Variants in CAMTA1 observed in about 807,000 individuals in gnomAD.
CAMTA1 encodes the protein calmodulin binding transcription activator 1.
Under a neutral mutation model 170.9 loss-of-function variants are expected in CAMTA1, and 27 were observed. That is an observed-to-expected ratio of 0.16 (90% CI 0.12 to 0.22). The LOEUF (loss-of-function observed/expected upper bound fraction) is 0.22, where lower values mean the gene tolerates loss of function less well. CAMTA1 is among the 10% of genes least tolerant of loss of function. The pLI is 1.00. For missense variants in CAMTA1, 1,619 were observed against 2,217.2 expected, an observed-to-expected ratio of 0.73 and a Z score of 5.42; for synonymous variants, 833 against 891.5, an observed-to-expected ratio of 0.93 and a Z score of 1.17.
chr1:7,250,247 C>G (rs555709235), intron 5 of CAMTA1, among the ~76,000 whole-genome samples: 29 of 152,212 alleles, frequency 1.9e-4, no homozygotes, highest in Non-Finnish European at 3.2e-4. Flanking sequence ...AGACTCTCAA[C>G]CTTGGGCAGC....
intron 6 of CAMTA1, among the ~76,000 whole-genome samples, chr1:7,632,217 T>A (rs1188312168): frequency 6.6e-6 from 1 of 152,212 alleles, no homozygotes; most frequent in East Asian, 1.9e-4. Flanking sequence ...ATATGACAAA[T>A]GCAAAGATCG....
intron 1 of CAMTA1, among the ~76,000 whole-genome samples, chr1:6,792,283 C>T (rs1029454720): frequency 6.6e-6 from 1 of 150,874 alleles, no homozygotes; most frequent in Non-Finnish European, 1.5e-5. Flanking sequence ...TATAAATTGA[C>T]AATGGAGAGC....
At chr1:7,135,728 C>A (rs1330910652) in intron 4 of CAMTA1, among the ~76,000 whole-genome samples, 1 of 152,172 alleles carries the variant, frequency 6.6e-6, no homozygotes, top group Non-Finnish European at 1.5e-5. Context: ...CTCCCTCATT[C>A]CTTGAAGATT....
chr1:7,372,043 C>A (rs2086513555), intron 5 of CAMTA1, among the ~76,000 whole-genome samples: 1 of 152,120 alleles, frequency 6.6e-6, no homozygotes, highest in East Asian at 1.9e-4. Context: ...ACTGTTGCAC[C>A]CCTGCCCCAC....
intron 6 of CAMTA1, among the ~76,000 whole-genome samples, chr1:7,542,594 G>T: frequency 1.0e-5 from 1 of 95,290 alleles, no homozygotes; most frequent in East Asian, 3.2e-4. Context: ...TGCCTCCTGA[G>T]TAGCTGGGAT....
intron 3 of CAMTA1, among the ~76,000 whole-genome samples, chr1:6,841,944 G>C (rs1280028406): frequency 6.6e-6 from 1 of 152,140 alleles, no homozygotes; most frequent in Non-Finnish European, 1.5e-5. Flanking sequence ...TCCACGGGTG[G>C]TGGCCAAATC....
intron 1 of CAMTA1, among the ~76,000 whole-genome samples, chr1:6,799,708 G>A (rs905425993): frequency 2.0e-5 from 3 of 152,230 alleles, no homozygotes; most frequent in South Asian, 2.1e-4. Context: ...ATAATTAATA[G>A]CAATAACTAA....
intron 5 of CAMTA1, among the ~76,000 whole-genome samples, chr1:7,291,200 G>A (rs984238284): frequency 1.3e-5 from 2 of 152,136 alleles, no homozygotes; most frequent in African/African-American, 2.4e-5. Context: ...CCAGAGGCTG[G>A]GAAAGTTAGG....
intron 6 of CAMTA1, among the ~76,000 whole-genome samples, chr1:7,501,433 C>T (rs2094003918): frequency 1.3e-5 from 2 of 152,062 alleles, no homozygotes; most frequent in Non-Finnish European, 2.9e-5. Context: ...GGAGAATGCT[C>T]GCCAAAGACA....
Position 7,426,168 on chromosome 1 carries a change from C to G in CAMTA1, c.439-41662C>G, listed in dbSNP as rs554551217. Among the ~76,000 whole-genome samples the G allele has an allele frequency of 6.7e-6, 1 of 148,494 alleles. No individual in the cohort carries two copies. The highest frequency in any genetic ancestry group is 2.1e-4 in the South Asian group (1 of 4,828). On this transcript the variant is annotated intron_variant, in intron 5 of 22. Coordinates refer to ENST00000303635, the MANE Select transcript of CAMTA1 (RefSeq NM_015215.4). This position sits in a 1 kb window ranked among gnomAD's most constrained non-coding sequence, Gnocchi z 4.8. The stretch of plus-strand genomic sequence containing the variant: ...TGAGCAGATTACCTTTCCAGCCTGA[C>G]TTTAACAGTTTAAAAAGGTGAGGGC...
At chr1:7,707,193 C>T (rs567741960) in intron 11 of CAMTA1, among the ~76,000 whole-genome samples, 1 of 151,988 alleles carries the variant, frequency 6.6e-6, no homozygotes, top group Non-Finnish European at 1.5e-5. Context: ...CCAGGCTTTT[C>T]TTTAGTCTTC....
At chr1:7,728,451 G>A (rs968832650) in intron 11 of CAMTA1, among the ~76,000 whole-genome samples, 4 of 152,194 alleles carry the variant, frequency 2.6e-5, no homozygotes, top group Non-Finnish European at 4.4e-5. Flanking sequence ...TGTTGATCTT[G>A]GCCACTCAGT....
At chr1:7,410,725 G>A (rs1442505632) in intron 5 of CAMTA1, among the ~76,000 whole-genome samples, 1 of 152,178 alleles carries the variant, frequency 6.6e-6, no homozygotes, top group African/African-American at 2.4e-5. Context: ...CCATGTAGCG[G>A]GGCTGGAAAT....
At chr1:6,932,691 C>A (rs1181366240) in intron 3 of CAMTA1, among the ~76,000 whole-genome samples, 1 of 152,170 alleles carries the variant, frequency 6.6e-6, no homozygotes, top group Non-Finnish European at 1.5e-5. Context: ...GCCATTCTAA[C>A]AGGCATGTGG....
At position 7,195,311 on chromosome 1, in the gene CAMTA1, C is replaced by T. The variant is rs763195; in HGVS notation, c.303-54180C>T. ...ACCAGTGAAATGCAAGTGGAAATGA[C>T]AAGTGCGACTTCATGGCACAGATTT... On this transcript the variant is annotated intron_variant, in intron 4 of 22. Transcript: ENST00000303635. The surrounding 1 kb of genome is among the most constrained non-coding windows in gnomAD (Gnocchi z 4.1). Among the ~76,000 whole-genome samples the T allele has an allele frequency of 0.51, 77,789 of 152,070 alleles. 21,262 individuals are homozygous for T. The highest frequency in any genetic ancestry group is 0.66 in the East Asian group (3,379 of 5,148).
chr1:6,929,448 C>T (rs557216768), intron 3 of CAMTA1, among the ~76,000 whole-genome samples: 65 of 152,196 alleles, frequency 4.3e-4, no homozygotes, highest in African/African-American at 1.5e-3. Flanking sequence ...CTGCTAGCTC[C>T]GCCTCCTGGG....
At position 7,664,120 on chromosome 1, in the gene CAMTA1, A is replaced by T; in HGVS notation, c.1573A>T (p.Thr525Ser). Residue 525 changes from threonine (T) to serine (S), a missense_variant, in exon 9 of 23, where the codon ACC becomes TCC. By Grantham distance (58) the Thr-to-Ser change is moderately conservative. Around this residue, in one of 8 missense-constraint regions of CAMTA1, gnomAD observed 731 missense variants for 907.6 expected, o/e 0.81. Transcript: ENST00000303635. The part of the protein sequence containing the change: ...SPPGERSFSF[T>S]TVLTKEIKTE... ...ACCCGGGGAGCGGAGCTTCAGCTTT[A>T]CCACCGTCCTCACCAAGGAGATCAA... is the stretch of plus-strand genomic sequence containing the variant. 1.2e-6 allele frequency: 2 copies of T among 1,613,392 alleles called. No homozygotes were observed. The highest frequency in any genetic ancestry group is 1.7e-6 in the Non-Finnish European group (2 of 1,180,038).
At chr1:6,890,634 G>A (rs1368554314) in intron 3 of CAMTA1, among the ~76,000 whole-genome samples, 1 of 151,466 alleles carries the variant, frequency 6.6e-6, no homozygotes, top group South Asian at 2.1e-4. Flanking sequence ...GCAGTGGTAT[G>A]ATCACAGCTT....
Position 7,680,851 on chromosome 1 carries a change from C to G in CAMTA1, c.2914+3118C>G, listed in dbSNP as rs527369825. Among the ~76,000 whole-genome samples, 23 of 106,096 alleles carry G rather than the reference C, an allele frequency of 2.2e-4. 1 individual carries two copies. The South Asian group carries it at 7.8e-3, about 36-fold the overall frequency. The allele number at this position is 106,096 out of a possible 152,430, so 69.6% of individuals were successfully genotyped here. A position where few individuals can be genotyped will look rare whatever the true frequency, so the allele number is the denominator to read the frequency against. The stretch of plus-strand genomic sequence containing the variant: ...CCGGGGCGCAGAGAACACGCGCGCG[C>G]GCGCGCGCGCCAGCAGCAGCAGCAG... On this transcript the variant is annotated intron_variant, in intron 11 of 22. Transcript: ENST00000303635. This position sits in a 1 kb window ranked among gnomAD's most constrained non-coding sequence, Gnocchi z 4.4.
Sources: gnomAD v4.1 joint callset for allele counts (sites outside exome capture counted in the v4.1 genomes callset) on GRCh38, gnomAD v4.1.1 for gene constraint, gnomAD v4.1.1 regional missense constraint, Gnocchi (gnomAD v3.1) non-coding constraint, MANE v1.5 for transcripts, NCBI Gene and HGNC (gene_info 2026-07-23, HGNC 2026-07-21) for gene names.